RAB31: variants seen among roughly 807,000 people sequenced by gnomAD.
RAB31 encodes the protein ras-related protein Rab-31.
RAB31 carries 21 observed loss-of-function variants against 25.6 expected under a neutral mutation model. The ratio of observed to expected loss-of-function variants is 0.82; its 90% confidence interval spans 0.58 to 1.18. RAB31 has a LOEUF of 1.18. RAB31 is among the 50% of genes most tolerant of loss of function. The probability of loss-of-function intolerance (pLI) is 0.00; values close to 1 mark genes in which losing one functional copy is unlikely to be tolerated. For synonymous variants in RAB31, 87 were observed against 84.0 expected, an observed-to-expected ratio of 1.04 and a Z score of -0.20; for missense variants, 196 against 250.1, an observed-to-expected ratio of 0.78 and a Z score of 1.46.
chr18:9,858,169 T>C (rs747150078), intron 6 of RAB31, among the ~76,000 whole-genome samples: 1 of 152,182 alleles, frequency 6.6e-6, no homozygotes, highest in Non-Finnish European at 1.5e-5. Context: ...AAGGTGTAGA[T>C]TATAATCAAA....
intron 1 of RAB31, among the ~76,000 whole-genome samples, chr18:9,732,671 A>T (rs34211743): frequency 2.0e-5 from 3 of 152,174 alleles, no homozygotes; most frequent in African/African-American, 7.2e-5. Flanking sequence ...TGATAAAGTG[A>T]CAGCATCTCA....
intron 1 of RAB31, among the ~76,000 whole-genome samples, chr18:9,765,468 AC>A (rs1430001876): frequency 1.3e-5 from 2 of 152,210 alleles, no homozygotes; most frequent in African/African-American, 2.4e-5. Flanking sequence ...TAACAACAGC[AC>A]AGGATGGACT....
At chr18:9,771,912 TAAAG>T (rs1421819067) in intron 1 of RAB31, among the ~76,000 whole-genome samples, 4 of 152,316 alleles carry the variant, frequency 2.6e-5, no homozygotes, top group African/African-American at 7.2e-5. Context: ...TGTTTCAAAA[TAAAG>T]AGACAGTGAC....
At chr18:9,744,121 C>T (rs2068193602) in intron 1 of RAB31, among the ~76,000 whole-genome samples, 1 of 152,150 alleles carries the variant, frequency 6.6e-6, no homozygotes, top group African/African-American at 2.4e-5. Context: ...TTTTCCATGT[C>T]ATAGTAGGAG....
At chr18:9,760,027 G>A (rs1199093384) in intron 1 of RAB31, among the ~76,000 whole-genome samples, 3 of 152,040 alleles carry the variant, frequency 2.0e-5, no homozygotes, top group Non-Finnish European at 4.4e-5. Context: ...TGAAGGCTTT[G>A]CTATTCCACA....
chr18:9,811,429 G>GC (rs2068570212), intron 3 of RAB31, among the ~76,000 whole-genome samples: 1 of 152,166 alleles, frequency 6.6e-6, no homozygotes, highest in African/African-American at 2.4e-5. Context: ...TTTCAGTTTG[G>GC]CAAGTATTGA....
chr18:9,845,133 C>T (rs79865881), intron 5 of RAB31, among the ~76,000 whole-genome samples: 2 of 152,184 alleles, frequency 1.3e-5, no homozygotes, highest in Non-Finnish European at 2.9e-5. Context: ...CAAACTGTCA[C>T]AGCACATTGC....
At chr18:9,820,322 A>G (rs2068618518) in intron 5 of RAB31, among the ~76,000 whole-genome samples, 1 of 152,106 alleles carries the variant, frequency 6.6e-6, no homozygotes, top group Admixed American at 6.5e-5. Context: ...TTGGGATGTT[A>G]AACTAGTCTT....
At chr18:9,725,495 A>T (rs1191170603) in intron 1 of RAB31, among the ~76,000 whole-genome samples, 1 of 152,212 alleles carries the variant, frequency 6.6e-6, no homozygotes, top group African/African-American at 2.4e-5. Context: ...CGAGCAATAG[A>T]ACTAGCTTTG....
In RAB31 at chr18:9,783,262, T is replaced by C. The variant is rs2068414463; in HGVS notation, c.119+7905T>C. 2.6e-5 allele frequency among the ~76,000 whole-genome samples: 4 copies of C among 152,188 alleles called. No homozygotes were observed. The South Asian group carries it at 8.3e-4, about 31-fold the overall frequency. On this transcript the variant is annotated intron_variant, in intron 2 of 6. Transcript: ENST00000578921. ...TCACAGAACAGGAAACCAAAGGGCT[T>C]TACGGGCTGGTTCATTGAGTCTGGC...
chr18:9,845,833 G>A (rs984449655), intron 6 of RAB31, 142 bp downstream of exon 6: 1 of 1,305,906 alleles, frequency 7.7e-7, no homozygotes, highest in Admixed American at 3.4e-5. Context: ...CTACAGCTAT[G>A]CAGTTGTTAA....
chr18:9,813,091 A>G (rs2068582840), intron 3 of RAB31, among the ~76,000 whole-genome samples: 1 of 152,116 alleles, frequency 6.6e-6, no homozygotes, highest in Non-Finnish European at 1.5e-5. Context: ...GAGACTAATG[A>G]CCTCTCCTGT....
rs112360037 is a variant in RAB31 at position 9,727,520 on chromosome 18, T to A, written c.39+19076T>A. 1.9e-3 allele frequency among the ~76,000 whole-genome samples: 286 copies of A among 152,318 alleles called. 2 individuals are homozygous for A. Among genetic ancestry groups the A allele is most frequent in the African/African-American group, 6.6e-3 (274 of 41,566 alleles). On this transcript the variant is annotated intron_variant, in intron 1 of 6. Coordinates refer to ENST00000578921, the MANE Select transcript of RAB31 (RefSeq NM_006868.4). The stretch of plus-strand genomic sequence containing the variant: ...TGTAGAGACAGTGTTCTCGTTATGT[T>A]GTCGAGGCTGGTCTCGAACTCCTGG...
At chr18:9,785,773 T>C (rs1445475674) in intron 2 of RAB31, among the ~76,000 whole-genome samples, 2 of 152,162 alleles carry the variant, frequency 1.3e-5, no homozygotes, top group African/African-American at 4.8e-5. Context: ...TAAGAATGCC[T>C]GTGTAGGTCG....
chr18:9,846,554 C>T (rs2068762854), intron 6 of RAB31, among the ~76,000 whole-genome samples: 1 of 152,160 alleles, frequency 6.6e-6, no homozygotes, highest in Non-Finnish European at 1.5e-5. Context: ...GGAATAGCCA[C>T]CTTAGGAGGA....
intron 1 of RAB31, among the ~76,000 whole-genome samples, chr18:9,753,432 G>A (rs2068245353): frequency 6.6e-6 from 1 of 152,162 alleles, no homozygotes; most frequent in Non-Finnish European, 1.5e-5. Context: ...TCCACCTTGG[G>A]ACTCTACAGA....
At chr18:9,846,520 T>A (rs2068762649) in intron 6 of RAB31, among the ~76,000 whole-genome samples, 4 of 152,190 alleles carry the variant, frequency 2.6e-5, no homozygotes, top group Admixed American at 6.5e-5. Flanking sequence ...AGGTGTTTGA[T>A]GAAATACTGG....
intron 1 of RAB31, among the ~76,000 whole-genome samples, chr18:9,716,436 C>T (rs956283474): frequency 2.0e-5 from 3 of 152,114 alleles, no homozygotes; most frequent in Admixed American, 2.0e-4. Context: ...GAACTTTGAC[C>T]TCTTGGAGCC....
Position 9,708,399 on chromosome 18 carries a change from C to T in RAB31, c.-7C>T, listed in dbSNP as rs1186133323. Reference sequence around the variant, plus strand: ...GCTGAGCCCCGGCACTGCCTGGCTGCGAGCACATGATGGCGATACGGGAGC... The same window carrying T: ...GCTGAGCCCCGGCACTGCCTGGCTGTGAGCACATGATGGCGATACGGGAGC... On this transcript the variant is annotated 5_prime_UTR_variant, in exon 1 of 7. The change creates a premature stop within an existing upstream ORF in the 5' untranslated region. Transcript: ENST00000578921. The surrounding 1 kb of genome is among the most constrained non-coding windows in gnomAD (Gnocchi z 6.4). 2 of 1,561,538 alleles carry T rather than the reference C, an allele frequency of 1.3e-6. No homozygotes were observed. Among genetic ancestry groups the T allele is most frequent in the South Asian group, 2.3e-5 (2 of 86,648 alleles).
Sources: gnomAD v4.1 joint callset for allele counts (sites outside exome capture counted in the v4.1 genomes callset) on GRCh38, gnomAD v4.1.1 for gene constraint, Gnocchi (gnomAD v3.1) non-coding constraint, MANE v1.5 for transcripts, NCBI Gene and HGNC (gene_info 2026-07-23, HGNC 2026-07-21) for gene names.